The following ATR variants were observed in gnomAD, a reference collection of about 807,000 sequenced individuals.
The protein encoded by ATR is ATR checkpoint kinase.
Under a neutral mutation model 305.3 loss-of-function variants are expected in ATR, and 142 were observed. That is an observed-to-expected ratio of 0.47 (90% CI 0.41 to 0.53). The LOEUF (loss-of-function observed/expected upper bound fraction) is 0.53, where lower values mean the gene tolerates loss of function less well. ATR is among the 20% of genes least tolerant of loss of function. ATR has a pLI of 0.00. For missense variants in ATR, 2,135 were observed against 3,133.1 expected (o/e 0.68, Z 7.60); for synonymous variants, 1,050 against 1,068.1 (o/e 0.98, Z 0.33).
chr3:142,493,168 A>C lies in ATR; in HGVS notation c.6042T>G (p.Ala2014=). 1 of 1,613,576 alleles carries C rather than the reference A, an allele frequency of 6.2e-7. No homozygotes were observed. Among genetic ancestry groups the C allele is most frequent in the East Asian group, 2.2e-5 (1 of 44,846 alleles). The change falls in exon 35 of 47, where the codon GCT becomes GCG. Residue 2014 remains alanine, a synonymous_variant. Transcript: ENST00000350721. ...LLVGRFMEET[A]NFESNAIMKK... Reference sequence around the variant, plus strand: ...TCATAATTGCATTGCTTTCAAAGTTAGCTGTTTCTTCCATAAATCGGCCCA... The same window carrying C: ...TCATAATTGCATTGCTTTCAAAGTTCGCTGTTTCTTCCATAAATCGGCCCA...
At chr3:142,451,112 C>T in intron 46 of ATR, 1 of 1,266,990 alleles carries the variant, frequency 7.9e-7, no homozygotes, top group Non-Finnish European at 1.0e-6. Flanking sequence ...ACAGCCCCTG[C>T]TGCTCAGGTG....
rs1166886011 is a variant in ATR at position 142,524,195 on chromosome 3, T to C, written c.3950A>G (p.Lys1317Arg). ...LKETLYKNQE[K>R]LIKYATDSET... is the part of the protein sequence containing the mutation. ...ACTGTCTGTTGCATACTTTATCAGT[T>C]TTTCCTAAAATAAAAGTAGAAAGAA... The change falls in exon 22 of 47, where the codon AAA (lysine) becomes AGA (arginine). Residue 1317 changes from lysine to arginine, a missense_variant. By Grantham distance (26) the Lys-to-Arg change is conservative. Coordinates refer to ENST00000350721, the MANE Select transcript of ATR (RefSeq NM_001184.4). 6.2e-7 allele frequency: 1 copy of C among 1,612,154 alleles called. No individual in the cohort carries two copies. Among genetic ancestry groups the C allele is most frequent in the Non-Finnish European group, 8.5e-7 (1 of 1,178,376 alleles).
chr3:142,469,531 C>T lies in ATR; in HGVS notation c.6358G>A (p.Gly2120Ser), dbSNP rs2108279554. ...SDRVQMRNDLGKINKVITEHT... is the reference protein window; with the variant it reads ...SDRVQMRNDLSKINKVITEHT... Reference sequence around the variant, plus strand: ...TCTGTGATAACCTTGTTTATTTTACCCAAATCATTCCTCATTTGTACACGA... The same window carrying T: ...TCTGTGATAACCTTGTTTATTTTACTCAAATCATTCCTCATTTGTACACGA... Residue 2120 changes from glycine (G) to serine (S), a missense_variant, in exon 38 of 47, where the codon GGT (glycine) becomes AGT (serine). Gly to Ser is a moderately conservative substitution (Grantham distance 56). This residue lies in a region of ATR where 462 missense variants were observed against 887.6 expected (regional missense o/e 0.52). Transcript: ENST00000350721. The T allele has an allele frequency of 1.9e-6, 3 of 1,613,558 alleles. No homozygotes were observed. Among genetic ancestry groups the T allele is most frequent in the South Asian group, 1.1e-5 (1 of 91,056 alleles).
chr3:142,525,469 T>A (rs879310954), intron 21 of ATR, among the ~76,000 whole-genome samples: 1 of 152,190 alleles, frequency 6.6e-6, no homozygotes, highest in Non-Finnish European at 1.5e-5. Context: ...TGGGATTGCA[T>A]TCCATTAATT....
chr3:142,548,522 A>G (rs1416210572), intron 15 of ATR, among the ~76,000 whole-genome samples: 1 of 152,158 alleles, frequency 6.6e-6, no homozygotes, highest in Non-Finnish European at 1.5e-5. Context: ...TACAAAAATT[A>G]GCCAGGCCTG....
intron 32 of ATR, among the ~76,000 whole-genome samples, chr3:142,498,394 G>A (rs920579471): frequency 6.6e-6 from 1 of 152,128 alleles, no homozygotes; most frequent in Non-Finnish European, 1.5e-5. Context: ...TTTTTCATTA[G>A]TCTCATAGTT....
chr3:142,479,497 C>G (rs2030246499), intron 36 of ATR, among the ~76,000 whole-genome samples: 1 of 152,138 alleles, frequency 6.6e-6, no homozygotes, highest in African/African-American at 2.4e-5. Flanking sequence ...GTAACCCGAC[C>G]TTTCTCTCTG....
chr3:142,533,058 A>G (rs78069547), intron 21 of ATR, among the ~76,000 whole-genome samples: 10,480 of 152,124 alleles, frequency 0.069, 888 homozygotes, highest in African/African-American at 0.2. Flanking sequence ...CAGTACTCCC[A>G]GAGGCCCAGG....
chr3:142,569,084 G>C (rs1018114692), intron 1 of ATR, among the ~76,000 whole-genome samples: 1 of 152,112 alleles, frequency 6.6e-6, no homozygotes, highest in Non-Finnish European at 1.5e-5. Context: ...CCAGTTACAC[G>C]GACCACAGCG....
intron 21 of ATR, among the ~76,000 whole-genome samples, chr3:142,531,904 C>T (rs1291467363): frequency 6.6e-6 from 1 of 152,232 alleles, no homozygotes; most frequent in East Asian, 1.9e-4. Context: ...TCCCCACATC[C>T]TCTCCAGCAC....
Position 142,556,105 on chromosome 3 carries a change from T to C in ATR, c.2113A>G (p.Lys705Glu), listed in dbSNP as rs2108471710. 3 of 1,613,190 alleles carry C rather than the reference T, an allele frequency of 1.9e-6. No homozygotes were observed. The highest frequency in any genetic ancestry group is 2.2e-5 in the East Asian group (1 of 44,852). ...KVKDDSDIVK[K>E]EFASILGQLV... ...TGACCAAGTATAGAAGCAAATTCTT[T>C]CTTGACAATGTCAGAATCATCTTTG... Residue 705 changes from lysine to glutamate, a missense_variant, in exon 10 of 47, where the codon AAA becomes GAA. Physicochemically the swap from Lys to Glu is moderately conservative, Grantham distance 56. Transcript: ENST00000350721.
In ATR at chr3:142,497,094, C is replaced by T. The variant is rs1031921536; in HGVS notation, c.5657G>A (p.Arg1886Gln). The T allele has an allele frequency of 3.7e-6, 6 of 1,613,844 alleles. No individual in the cohort carries two copies. Among genetic ancestry groups the T allele is most frequent in the Non-Finnish European group, 5.1e-6 (6 of 1,179,930 alleles). Residue 1886 changes from arginine (R) to glutamine (Q), a missense_variant, in exon 33 of 47, where the codon CGA becomes CAA. Transcript: ENST00000350721. ...GTAGGAATTCTGGGTCATTTCTAGT[C>T]GAGCTACCCAGTTTAGAGAATCTTC... is the stretch of plus-strand genomic sequence containing the variant. The part of the protein sequence containing the change: ...SQEDSLNWVA[R>Q]LEMTQNSYRA...
chr3:142,451,913 C>A, intron 46 of ATR: 2 of 1,292,462 alleles, frequency 1.5e-6, no homozygotes, highest in South Asian at 1.3e-5. Context: ...ATTGGAATCC[C>A]TCAGTAAAAG....
intron 36 of ATR, among the ~76,000 whole-genome samples, chr3:142,478,841 T>A (rs2030165031): frequency 6.6e-6 from 1 of 152,110 alleles, no homozygotes; most frequent in Non-Finnish European, 1.5e-5. Context: ...TACCATTATG[T>A]AATGGCCTTC....
rs971638952 is a variant in ATR, at chr3:142,537,753, T to A, written c.3725+729A>T. On this transcript the variant is annotated intron_variant, in intron 19 of 46. Transcript: ENST00000350721. The stretch of plus-strand genomic sequence containing the variant: ...ATTAAGTAAAATCACAGAAAAAAAA[T>A]TAAATATATAAAAAGACATCCCAGT... Among the ~76,000 whole-genome samples, 5 of 151,896 alleles carry A rather than the reference T, an allele frequency of 3.3e-5. No homozygotes were observed. In the East Asian group the frequency reaches 5.8e-4, roughly 18 times the overall value.
In ATR at chr3:142,538,540, T is replaced by C. The variant is rs554925737; in HGVS notation, c.3667A>G (p.Ile1223Val). ...SHVIVALLPL[I>V]HIQPKETAAI... is the part of the protein sequence containing the mutation. The stretch of plus-strand genomic sequence containing the variant: ...GCAGTTTCTTTAGGCTGGATGTGTA[T>C]AAGAGGTAACAAAGCTACTATTACA... The change falls in exon 19 of 47, where the codon ATA becomes GTA. Residue 1223 changes from isoleucine (I) to valine (V), a missense_variant. This residue lies in a region of ATR where 530 missense variants were observed against 766.8 expected (regional missense o/e 0.69). Coordinates refer to ENST00000350721, the MANE Select transcript of ATR (RefSeq NM_001184.4). 5 of 1,613,444 alleles carry C rather than the reference T, an allele frequency of 3.1e-6. No homozygotes were observed. The African/African-American group carries it at 6.7e-5, about 22-fold the overall frequency.
intron 41 of ATR, among the ~76,000 whole-genome samples, chr3:142,463,525 T>C (rs2108268348): frequency 6.6e-6 from 1 of 152,282 alleles, no homozygotes; most frequent in Non-Finnish European, 1.5e-5. Flanking sequence ...GCCTCCCAAG[T>C]AGCTGGGAAT....
intron 36 of ATR, among the ~76,000 whole-genome samples, chr3:142,484,003 T>G (rs1426492061): frequency 6.6e-6 from 1 of 151,992 alleles, no homozygotes; most frequent in Non-Finnish European, 1.5e-5. Flanking sequence ...TTTTTAAAAA[T>G]CCAGGCTGTG....
In ATR at chr3:142,562,503, T is replaced by C. The variant is rs757737235; in HGVS notation, c.899A>G (p.Lys300Arg). ...TTCTGCTTCAAAGGGAAATAGTGTC[T>C]TTATCAGCTTTGATAATGGCTCTTC... Reference protein sequence around the residue: ...LYEEPLSKLIKTLFPFEAEAY... With the variant: ...LYEEPLSKLIRTLFPFEAEAY... The change falls in exon 4 of 47, where the codon AAG becomes AGG. Residue 300 changes from lysine (K) to arginine (R), a missense_variant. This residue lies in a region of ATR where 744 missense variants were observed against 873.2 expected (regional missense o/e 0.85). Transcript: ENST00000350721. The C allele has an allele frequency of 6.2e-7, 1 of 1,614,022 alleles. No homozygotes were observed.
Sources: gnomAD v4.1 joint callset for allele counts (sites outside exome capture counted in the v4.1 genomes callset) on GRCh38, gnomAD v4.1.1 for gene constraint, gnomAD v4.1.1 regional missense constraint, MANE v1.5 for transcripts, NCBI Gene and HGNC (gene_info 2026-07-23, HGNC 2026-07-21) for gene names.